PKIA: variants seen among roughly 807,000 people sequenced by gnomAD.
The protein encoded by PKIA is cAMP-dependent protein kinase inhibitor alpha.
Under a neutral mutation model 7.6 loss-of-function variants are expected in PKIA, and 4 were observed. That is an observed-to-expected ratio of 0.52 (90% CI 0.26 to 1.20). PKIA has a LOEUF of 1.20. Among genes scored for constraint, PKIA ranks in the 50% most tolerant of loss-of-function variants. PKIA has a pLI of 0.13. For synonymous variants in PKIA, 21 were observed against 30.7 expected (o/e 0.68, Z 1.04); for missense variants, 73 against 86.2 (o/e 0.85, Z 0.61).
At chr8:78,540,652 G>A (rs1352574529) in intron 1 of PKIA, among the ~76,000 whole-genome samples, 1 of 152,034 alleles carries the variant, frequency 6.6e-6, no homozygotes, top group Non-Finnish European at 1.5e-5. Context: ...GAGGGACAGA[G>A]GGGGTGGGGC....
At chr8:78,524,114 GTATAAACATTTATATTTATA>G (rs1334570180) in intron 1 of PKIA, among the ~76,000 whole-genome samples, 76 of 92,676 alleles carry the variant, frequency 8.2e-4, no homozygotes, top group Middle Eastern at 5.8e-3. Context: ...ATAAATATAT[GTATAAACATTTATATTTATA>G]TATAAACATT....
intron 1 of PKIA, among the ~76,000 whole-genome samples, chr8:78,518,077 T>C (rs1181355370): frequency 1.3e-5 from 2 of 152,248 alleles, no homozygotes; most frequent in Non-Finnish European, 2.9e-5. Context: ...GTGTTAATCA[T>C]ATTATATATC....
intron 2 of PKIA, among the ~76,000 whole-genome samples, chr8:78,577,487 C>G (rs58927152): frequency 0.15 from 22,227 of 151,046 alleles, 1,823 homozygotes; most frequent in East Asian, 0.41. Flanking sequence ...ACCACTGAAC[C>G]TAAAATAAAA....
intron 2 of PKIA, among the ~76,000 whole-genome samples, chr8:78,582,779 A>G (rs1372062195): frequency 6.6e-6 from 1 of 152,148 alleles, no homozygotes; most frequent in African/African-American, 2.4e-5. Context: ...AGGAACTTTC[A>G]CACTCGCAAA....
At chr8:78,577,416 A>G (rs1406531219) in intron 2 of PKIA, among the ~76,000 whole-genome samples, 3 of 151,940 alleles carry the variant, frequency 2.0e-5, no homozygotes, top group Admixed American at 6.6e-5. Flanking sequence ...CTGGGTGGCA[A>G]AATAATCTAT....
At chr8:78,527,160 G>A (rs1332593341) in intron 1 of PKIA, among the ~76,000 whole-genome samples, 1 of 151,966 alleles carries the variant, frequency 6.6e-6, no homozygotes, top group African/African-American at 2.4e-5. Flanking sequence ...AATCATCAGT[G>A]TAAGTTTGTC....
At chr8:78,532,672 T>A (rs1806417927) in intron 1 of PKIA, among the ~76,000 whole-genome samples, 1 of 151,976 alleles carries the variant, frequency 6.6e-6, no homozygotes, top group African/African-American at 2.4e-5. Flanking sequence ...TTTGGGAGGC[T>A]AAGGCAGGCA....
chr8:78,562,162 G>C (rs1048109914), intron 1 of PKIA, among the ~76,000 whole-genome samples: 1 of 152,140 alleles, frequency 6.6e-6, no homozygotes, highest in East Asian at 1.9e-4. Context: ...AATCATGCTA[G>C]TTTGAAAATA....
intron 2 of PKIA, among the ~76,000 whole-genome samples, chr8:78,590,519 A>G (rs1047778124): frequency 4.6e-5 from 7 of 152,144 alleles, no homozygotes; most frequent in Non-Finnish European, 8.8e-5. Context: ...ACTTCAACTA[A>G]AACAACATGT....
rs190206474 is a variant in PKIA, at chr8:78,537,231, A to G, written c.-157+20763A>G. Among the ~76,000 whole-genome samples the G allele has an allele frequency of 4.6e-5, 7 of 150,830 alleles. No individual in the cohort carries two copies. The East Asian group carries it at 9.8e-4, about 21-fold the overall frequency. On this transcript the variant is annotated intron_variant, in intron 1 of 3. Transcript: ENST00000396418. The stretch of plus-strand genomic sequence containing the variant: ...TAAGCTTCTTTCATGGCAAACCCTG[A>G]TATTTTTTTCCTAGGTAGAAAATTA...
intron 2 of PKIA, among the ~76,000 whole-genome samples, chr8:78,590,549 A>T (rs1189757858): frequency 6.6e-6 from 1 of 152,154 alleles, no homozygotes; most frequent in Non-Finnish European, 1.5e-5. Context: ...CTGAATGCAG[A>T]AGCAAATATG....
intron 1 of PKIA, among the ~76,000 whole-genome samples, chr8:78,556,126 G>T (rs1346809014): frequency 6.6e-6 from 1 of 151,986 alleles, no homozygotes; most frequent in Non-Finnish European, 1.5e-5. Flanking sequence ...TTTTTATTCA[G>T]TTACCAAAAG....
chr8:78,539,632 C>T (rs1015897381), intron 1 of PKIA, among the ~76,000 whole-genome samples: 25 of 151,640 alleles, frequency 1.6e-4, no homozygotes, highest in African/African-American at 5.1e-4. Flanking sequence ...GCTAAGAATG[C>T]TTTTTACATT....
chr8:78,518,293 G>A (rs530017408), intron 1 of PKIA, among the ~76,000 whole-genome samples: 1 of 152,258 alleles, frequency 6.6e-6, no homozygotes, highest in African/African-American at 2.4e-5. Context: ...TTGTTATTAT[G>A]TGTTAAACAG....
chr8:78,592,470 G>A (rs940575987), intron 2 of PKIA, among the ~76,000 whole-genome samples: 1 of 152,114 alleles, frequency 6.6e-6, no homozygotes, highest in African/African-American at 2.4e-5. Flanking sequence ...AGAATTGGAT[G>A]CACATGGAAC....
At chr8:78,540,029 T>C (rs1391200280) in intron 1 of PKIA, among the ~76,000 whole-genome samples, 3 of 148,912 alleles carry the variant, frequency 2.0e-5, no homozygotes. Context: ...GAAAGAGGAG[T>C]GTGGCAAGTT....
intron 1 of PKIA, among the ~76,000 whole-genome samples, chr8:78,519,603 T>C (rs1198732650): frequency 2.0e-5 from 3 of 152,186 alleles, no homozygotes; most frequent in Admixed American, 2.0e-4. Flanking sequence ...CAATGACCTC[T>C]TAATTGCCAG....
At chr8:78,524,213 T>TAA (rs1809497215) in intron 1 of PKIA, among the ~76,000 whole-genome samples, 1 of 138,542 alleles carries the variant, frequency 7.2e-6, no homozygotes, top group African/African-American at 2.8e-5. Context: ...TATATATATA[T>TAA]AAACATTTAT....
chr8:78,553,885 CAACAA>C (rs1807055325), intron 1 of PKIA, among the ~76,000 whole-genome samples: 1 of 151,872 alleles, frequency 6.6e-6, no homozygotes, highest in African/African-American at 2.4e-5. Flanking sequence ...GCCAGTGCAT[CAACAA>C]AACAAACCCA....
Sources: allele counts gnomAD v4.1 joint callset (sites outside exome capture counted in the v4.1 genomes callset), GRCh38; gene constraint gnomAD v4.1.1; transcripts MANE v1.5; gene names NCBI Gene and HGNC (gene_info 2026-07-23, HGNC 2026-07-21).